The following SLC27A6 variants were observed in gnomAD, a reference collection of about 807,000 sequenced individuals.
SLC27A6 encodes solute carrier family 27 member 6, also known as long-chain fatty acid transport protein 6.
Under a neutral mutation model 63.9 loss-of-function variants are expected in SLC27A6, and 74 were observed. That is an observed-to-expected ratio of 1.16 (90% CI 0.96 to 1.40). The LOEUF is 1.40. Ranked by LOEUF, SLC27A6 falls within the 40% of genes most tolerant of loss-of-function variation. The pLI is 0.00. For synonymous variants in SLC27A6, 287 were observed against 260.8 expected, an observed-to-expected ratio of 1.10 and a Z score of -0.97; for missense variants, 794 against 732.9, an observed-to-expected ratio of 1.08 and a Z score of -0.96.
At chr5:129,008,987 C>G (rs1751638009) in intron 4 of SLC27A6, among the ~76,000 whole-genome samples, 1 of 151,544 alleles carries the variant, frequency 6.6e-6, no homozygotes, top group Non-Finnish European at 1.5e-5. Flanking sequence ...CTGACTCAGC[C>G]TCCTGAGTAG....
At chr5:128,972,024 C>G (rs1035134085) in intron 1 of SLC27A6, among the ~76,000 whole-genome samples, 6 of 152,146 alleles carry the variant, frequency 3.9e-5, no homozygotes, top group African/African-American at 9.7e-5. Flanking sequence ...ACTTATGAAG[C>G]TTAGTTTGGC....
chr5:128,985,543 T>C (rs1750760077), intron 2 of SLC27A6, among the ~76,000 whole-genome samples: 1 of 152,242 alleles, frequency 6.6e-6, no homozygotes, highest in South Asian at 2.1e-4. Context: ...TGTGTTCATT[T>C]GGCATTTGTC....
chr5:128,992,165 TCC>T (rs1751007840), intron 4 of SLC27A6, among the ~76,000 whole-genome samples: 1 of 19,302 alleles, frequency 5.2e-5, no homozygotes, highest in Non-Finnish European at 1.0e-4. Context: ...GACCCACCTT[TCC>T]TTGACTAGAG....
intron 4 of SLC27A6, among the ~76,000 whole-genome samples, chr5:128,995,521 A>C (rs759178261): frequency 6.6e-6 from 1 of 152,176 alleles, no homozygotes; most frequent in Non-Finnish European, 1.5e-5. Context: ...GGTGATGGAG[A>C]ATGATGGACT....
intron 4 of SLC27A6, among the ~76,000 whole-genome samples, chr5:128,997,166 A>C (rs1751188402): frequency 6.6e-6 from 1 of 152,162 alleles, no homozygotes; most frequent in South Asian, 2.1e-4. Flanking sequence ...TAGCATTTTA[A>C]AATTAATGTA....
chr5:128,979,490 A>G (rs1230295789), intron 1 of SLC27A6, among the ~76,000 whole-genome samples: 2 of 152,156 alleles, frequency 1.3e-5, no homozygotes, highest in African/African-American at 4.8e-5. Flanking sequence ...CGTTTTAAAA[A>G]TATATATATC....
chr5:128,989,409 T>G (rs1051937446), intron 3 of SLC27A6, among the ~76,000 whole-genome samples: 1 of 152,172 alleles, frequency 6.6e-6, no homozygotes, highest in African/African-American at 2.4e-5. Flanking sequence ...ATACAAACAG[T>G]GGAGATCATT....
At chr5:128,976,382 T>C (rs186500968) in intron 1 of SLC27A6, among the ~76,000 whole-genome samples, 400 of 152,184 alleles carry the variant, frequency 2.6e-3, no homozygotes, top group Non-Finnish European at 3.9e-3. Context: ...GGTTTGGTGG[T>C]GCGTGCCTAT....
intron 1 of SLC27A6, among the ~76,000 whole-genome samples, chr5:128,971,149 A>G (rs75090442): frequency 6.6e-6 from 1 of 152,050 alleles, no homozygotes; most frequent in East Asian, 1.9e-4. Flanking sequence ...CTTTTCTTTT[A>G]CATTTGCTGA....
chr5:129,031,415 T>C (rs1232136786), intron 9 of SLC27A6, among the ~76,000 whole-genome samples: 1 of 151,976 alleles, frequency 6.6e-6, no homozygotes, highest in African/African-American at 2.4e-5. Context: ...CACAAAAATA[T>C]AATATTCAGT....
intron 1 of SLC27A6, among the ~76,000 whole-genome samples, chr5:128,984,401 A>C (rs1561614739): frequency 6.6e-6 from 1 of 152,210 alleles, no homozygotes; most frequent in Non-Finnish European, 1.5e-5. Context: ...GTTACTGGGC[A>C]AATCAGGAAG....
chr5:129,003,811 G>GT (rs1171565115), intron 4 of SLC27A6, among the ~76,000 whole-genome samples: 1 of 151,712 alleles, frequency 6.6e-6, no homozygotes, highest in Non-Finnish European at 1.5e-5. Context: ...CTCTACAAAA[G>GT]TAAAAAATTA....
chr5:129,021,300 T>A (rs749711262), intron 5 of SLC27A6, among the ~76,000 whole-genome samples: 3 of 151,932 alleles, frequency 2.0e-5, no homozygotes, highest in Non-Finnish European at 4.4e-5. Context: ...AATTCTTTAC[T>A]ACACAGGGAC....
Position 128,976,894 on chromosome 5 carries a change from A to T in SLC27A6, c.482-8239A>T, listed in dbSNP as rs367578774. Among the ~76,000 whole-genome samples, 9 of 152,252 alleles carry T rather than the reference A, an allele frequency of 5.9e-5. No individual in the cohort carries two copies. The East Asian group carries it at 1.7e-3, about 29-fold the overall frequency. On this transcript the variant is annotated intron_variant, in intron 1 of 9. Transcript: ENST00000262462. ...AAGGTCTCTATTTATAAGTATAATG[A>T]TTTAATATGTGGTGTATTAAGAAAG...
intron 2 of SLC27A6, among the ~76,000 whole-genome samples, chr5:128,986,502 G>A (rs780394214): frequency 7.2e-5 from 11 of 152,140 alleles, no homozygotes; most frequent in Non-Finnish European, 1.5e-4. Flanking sequence ...CTATTGCATA[G>A]TAAAATTTTT....
chr5:128,979,564 CA>C (rs1488603648), intron 1 of SLC27A6, among the ~76,000 whole-genome samples: 5 of 152,142 alleles, frequency 3.3e-5, no homozygotes, highest in African/African-American at 7.2e-5. Flanking sequence ...CTAATTTCAC[CA>C]CTTTCTTACT....
At chr5:128,991,680 T>A (rs1355083058) in intron 4 of SLC27A6, among the ~76,000 whole-genome samples, 1 of 152,006 alleles carries the variant, frequency 6.6e-6, no homozygotes, top group Non-Finnish European at 1.5e-5. Flanking sequence ...TTCTTTTGAA[T>A]AAGTGATTAT....
intron 4 of SLC27A6, among the ~76,000 whole-genome samples, chr5:128,991,444 T>A (rs1057332963): frequency 6.6e-6 from 1 of 152,206 alleles, no homozygotes; most frequent in Non-Finnish European, 1.5e-5. Context: ...TATCCAAGAA[T>A]GTACTAATGT....
Position 128,990,406 on chromosome 5 carries a change from A to G in SLC27A6, c.911A>G (p.Asp304Gly). The change falls in exon 4 of 10, where the codon GAT (aspartate) becomes GGT (glycine). Residue 304 changes from aspartate (D) to glycine (G), a missense_variant. Transcript: ENST00000262462. ...SQFWSDCKKYDVTVFQYIGEL... is the reference protein window; with the variant it reads ...SQFWSDCKKYGVTVFQYIGEL... ...TTTTGGAGTGACTGCAAGAAGTATGATGTGACTGTGTTTCAGTATATTGGA... is the reference window on the plus strand; with the variant it reads ...TTTTGGAGTGACTGCAAGAAGTATGGTGTGACTGTGTTTCAGTATATTGGA... The G allele has an allele frequency of 6.2e-7, 1 of 1,613,988 alleles. No homozygotes were observed. Among genetic ancestry groups the G allele is most frequent in the Non-Finnish European group, 8.5e-7 (1 of 1,179,888 alleles).
Sources: allele counts gnomAD v4.1 joint callset (sites outside exome capture counted in the v4.1 genomes callset), GRCh38; gene constraint gnomAD v4.1.1; transcripts MANE v1.5; gene names NCBI Gene and HGNC (gene_info 2026-07-23, HGNC 2026-07-21).